GPHN: variants seen among roughly 807,000 people sequenced by gnomAD.
GPHN encodes the protein gephyrin.
In GPHN, 17 loss-of-function variants were observed where a neutral mutation model predicts 95.5. That is an observed-to-expected ratio of 0.18 (90% confidence interval 0.12 to 0.27). The LOEUF (loss-of-function observed/expected upper bound fraction) is 0.27. Ranked by LOEUF, GPHN falls within the 10% of genes least tolerant of loss-of-function variation. The pLI is 1.00. For missense variants in GPHN, 660 were observed against 978.1 expected, an observed-to-expected ratio of 0.67 and a Z score of 4.34; for synonymous variants, 320 against 322.5, an observed-to-expected ratio of 0.99 and a Z score of 0.08.
At chr14:67,085,463 A>G (rs2076846884) in intron 11 of GPHN, among the ~76,000 whole-genome samples, 1 of 152,210 alleles carries the variant, frequency 6.6e-6, no homozygotes, top group Admixed American at 6.5e-5. Context: ...ATTCATGTGC[A>G]TTTCAAGACA....
intron 11 of GPHN, among the ~76,000 whole-genome samples, chr14:67,080,705 T>C (rs1051740003): frequency 2.0e-5 from 3 of 152,122 alleles, no homozygotes; most frequent in Admixed American, 1.3e-4. Context: ...GGTGCACCCA[T>C]CACCCAAGCT....
the GPHN span, chr14:67,292,699 G>A: frequency 2.7e-5 from 44 of 1,613,174 alleles, no homozygotes; most frequent in Non-Finnish European, 3.7e-5. Flanking sequence ...TATCTCCAAC[G>A]CACAAGATCT....
At chr14:66,977,933 A>G (rs1321678827) in intron 9 of GPHN, among the ~76,000 whole-genome samples, 1 of 152,200 alleles carries the variant, frequency 6.6e-6, no homozygotes, top group Non-Finnish European at 1.5e-5. Context: ...CCTTGGAGAT[A>G]TTGTAGGTTC....
chr14:66,586,202 G>A (rs544714127), intron 1 of GPHN, among the ~76,000 whole-genome samples: 2 of 140,552 alleles, frequency 1.4e-5, no homozygotes, highest in African/African-American at 3.1e-5. Context: ...TCAGAGACTA[G>A]GATTGCAACC....
In GPHN at chr14:67,089,004, C is replaced by T. The variant is rs756477767; in HGVS notation, c.1166C>T (p.Ala389Val). 3.1e-6 allele frequency: 5 copies of T among 1,599,318 alleles called. No individual in the cohort carries two copies. Among genetic ancestry groups the T allele is most frequent in the African/African-American group, 1.3e-5 (1 of 74,754 alleles). ...TCAGATGGAATGGGGCGAGTCCTTG[C>T]TCAAGATGTATATGCAAAAGACAAT... ...NYRDGMGRVL[A>V]QDVYAKDNLP... The change falls in exon 12 of 23, where the codon GCT (alanine) becomes GTT (valine). Residue 389 changes from alanine to valine, a missense_variant. By Grantham distance (64) the Ala-to-Val change is moderately conservative. Around this residue, in one of 6 missense-constraint regions of GPHN, gnomAD observed 257 missense variants for 376.2 expected, o/e 0.68. Coordinates refer to ENST00000478722, the MANE Select transcript of GPHN (RefSeq NM_020806.5).
intron 2 of GPHN, among the ~76,000 whole-genome samples, chr14:66,701,679 C>G (rs1217838730): frequency 3.9e-5 from 6 of 152,204 alleles, no homozygotes; most frequent in African/African-American, 1.2e-4. Flanking sequence ...AGATCACACT[C>G]GTGAACCTAC....
chr14:66,888,902 A>T (rs900544693), intron 5 of GPHN, among the ~76,000 whole-genome samples: 3 of 152,132 alleles, frequency 2.0e-5, no homozygotes, highest in African/African-American at 7.2e-5. Flanking sequence ...ATAGTCAGGC[A>T]AATAGTAACC....
At position 67,096,582 on chromosome 14, in the gene GPHN, A is replaced by G. The variant is rs1448337189; in HGVS notation, c.1238-4274A>G. On this transcript the variant is annotated intron_variant, in intron 12 of 22. Transcript: ENST00000478722. ...GCACTATGCTAGACAGAATAATGACATAATCTAAGTTATACAGAATTAATC... is the reference window on the plus strand; with the variant it reads ...GCACTATGCTAGACAGAATAATGACGTAATCTAAGTTATACAGAATTAATC... Among the ~76,000 whole-genome samples, 4 of 151,906 alleles carry G rather than the reference A, an allele frequency of 2.6e-5. No individual in the cohort carries two copies. The East Asian group carries it at 7.7e-4, about 29-fold the overall frequency.
At chr14:67,523,931 G>A in the GPHN span, among the ~76,000 whole-genome samples, 63,914 of 151,880 alleles carry the variant, frequency 0.42, 14,125 homozygotes, top group East Asian at 0.5. Flanking sequence ...GGACAGGGAG[G>A]GAAGAATAGT....
chr14:67,726,282 C>A, the GPHN span: 24 of 727,382 alleles, frequency 3.3e-5, 1 homozygote, highest in South Asian at 3.5e-4. Flanking sequence ...ATAGACTAGA[C>A]CCATTGGCTT....
the GPHN span, among the ~76,000 whole-genome samples, chr14:67,636,652 T>A: frequency 6.6e-6 from 1 of 152,248 alleles, no homozygotes; most frequent in Non-Finnish European, 1.5e-5. Flanking sequence ...TGTTCCACTC[T>A]GATAGAGCCT....
At chr14:67,393,105 T>C in the GPHN span, 26 of 1,377,618 alleles carry the variant, frequency 1.9e-5, no homozygotes, top group Non-Finnish European at 2.6e-5. Flanking sequence ...TGCATCACCA[T>C]GTCCCAGCTT....
At chr14:67,705,190 A>G in the GPHN span, among the ~76,000 whole-genome samples, 1 of 152,222 alleles carries the variant, frequency 6.6e-6, no homozygotes, top group South Asian at 2.1e-4. Context: ...GTTTAGAAGA[A>G]GGGATGGAGA....
chr14:66,735,400 C>G (rs1173325975), intron 2 of GPHN, among the ~76,000 whole-genome samples: 1 of 152,082 alleles, frequency 6.6e-6, no homozygotes, highest in Non-Finnish European at 1.5e-5. Context: ...GCAACAGTAT[C>G]CAATATGATT....
At chr14:67,712,951 T>C in the GPHN span, among the ~76,000 whole-genome samples, 1 of 152,144 alleles carries the variant, frequency 6.6e-6, no homozygotes, top group African/African-American at 2.4e-5. Context: ...CTTTTTTGTG[T>C]GTGGGAATTT....
intron 10 of GPHN, among the ~76,000 whole-genome samples, chr14:67,035,348 A>G (rs1414555407): frequency 1.3e-5 from 2 of 151,902 alleles, no homozygotes; most frequent in African/African-American, 2.4e-5. Context: ...GAAATAGAAT[A>G]AACTAAATCA....
At chr14:67,005,894 T>C (rs944375173) in intron 9 of GPHN, among the ~76,000 whole-genome samples, 9 of 151,334 alleles carry the variant, frequency 5.9e-5, no homozygotes, top group Non-Finnish European at 1.0e-4. Flanking sequence ...AAGACTAATA[T>C]TATATATATA....
At chr14:67,641,510 A>G in the GPHN span, among the ~76,000 whole-genome samples, 1 of 152,236 alleles carries the variant, frequency 6.6e-6, no homozygotes. Flanking sequence ...TAGTTGCCTC[A>G]CACAACTGTT....
intron 9 of GPHN, among the ~76,000 whole-genome samples, chr14:66,989,035 T>C (rs1171647368): frequency 2.0e-5 from 3 of 152,068 alleles, no homozygotes; most frequent in Admixed American, 6.6e-5. Flanking sequence ...TAGTCATGTG[T>C]ATCTCTACGC....
Sources: gnomAD v4.1 joint callset for allele counts (sites outside exome capture counted in the v4.1 genomes callset) on GRCh38, gnomAD v4.1.1 for gene constraint, gnomAD v4.1.1 regional missense constraint, MANE v1.5 for transcripts, NCBI Gene and HGNC (gene_info 2026-07-23, HGNC 2026-07-21) for gene names.